AGBL4: variants seen among roughly 807,000 people sequenced by gnomAD.
The protein encoded by AGBL4 is cytosolic carboxypeptidase 6.
In AGBL4, 58 loss-of-function variants were observed where a neutral mutation model predicts 66.4. The observed-to-expected ratio is 0.87, with a 90% CI of 0.71 to 1.09. The LOEUF (loss-of-function observed/expected upper bound fraction) is 1.09. Among genes scored for constraint, AGBL4 ranks in the 50% least tolerant of loss-of-function variants. The pLI is 0.00. For synonymous variants in AGBL4, 234 were observed against 222.9 expected (o/e 1.05, Z -0.44); for missense variants, 579 against 631.0 (o/e 0.92, Z 0.88).
intron 3 of AGBL4, among the ~76,000 whole-genome samples, chr1:49,272,101 C>T (rs1283775357): frequency 6.6e-6 from 1 of 152,134 alleles, no homozygotes; most frequent in Non-Finnish European, 1.5e-5. Flanking sequence ...TTTCTTTGTG[C>T]ACTTAGTTTT....
rs369459291 is a variant in AGBL4, at chr1:49,853,458, A to G, written c.35-1940T>C. On this transcript the variant is annotated intron_variant, in intron 1 of 13. Coordinates refer to ENST00000371839, the MANE Select transcript of AGBL4 (RefSeq NM_032785.4). ...AACATAAATGCAAAGGGAAATAGGA[A>G]AGGCAAAAGGGAAAAAACAGCAGAG... Among the ~76,000 whole-genome samples, 50 of 152,264 alleles carry G rather than the reference A, an allele frequency of 3.3e-4. 1 individual carries two copies. In the South Asian group the frequency reaches 9.5e-3, roughly 29 times the overall value.
At chr1:49,203,088 CAAAA>C (rs139732827) in intron 4 of AGBL4, among the ~76,000 whole-genome samples, 3 of 135,902 alleles carry the variant, frequency 2.2e-5, no homozygotes, top group Non-Finnish European at 3.1e-5. Flanking sequence ...TGGCTACTAT[CAAAA>C]AAAAAAAAAA....
intron 1 of AGBL4, among the ~76,000 whole-genome samples, chr1:49,914,588 G>T (rs1651195931): frequency 6.6e-6 from 1 of 152,084 alleles, no homozygotes; most frequent in Non-Finnish European, 1.5e-5. Context: ...GGCAATACAG[G>T]ATTCTTCTAG....
intron 2 of AGBL4, among the ~76,000 whole-genome samples, chr1:49,831,769 T>C (rs2148015791): frequency 6.6e-6 from 1 of 152,276 alleles, no homozygotes; most frequent in South Asian, 2.1e-4. Context: ...CTCTTACTGT[T>C]TTGAGATATG....
intron 4 of AGBL4, among the ~76,000 whole-genome samples, chr1:49,233,704 C>T (rs1351008535): frequency 6.6e-6 from 1 of 152,116 alleles, no homozygotes; most frequent in Non-Finnish European, 1.5e-5. Flanking sequence ...TTAGGAAATT[C>T]TTTATAGGGA....
chr1:49,656,794 C>T (rs1170837809), intron 3 of AGBL4, among the ~76,000 whole-genome samples: 1 of 152,146 alleles, frequency 6.6e-6, no homozygotes, highest in African/African-American at 2.4e-5. Context: ...AGGCCTTCGA[C>T]AAAATTCAAC....
intron 1 of AGBL4, among the ~76,000 whole-genome samples, chr1:49,935,175 G>C (rs1044395067): frequency 6.6e-6 from 1 of 152,246 alleles, no homozygotes; most frequent in African/African-American, 2.4e-5. Context: ...CGCTCCAGGA[G>C]ATTATATCCC....
chr1:49,088,833 A>G (rs549271840), intron 4 of AGBL4, among the ~76,000 whole-genome samples: 58 of 152,280 alleles, frequency 3.8e-4, no homozygotes, highest in African/African-American at 1.3e-3. Context: ...ATATTCTAAA[A>G]TTGACCTCAC....
chr1:49,500,859 G>A (rs1220558933), intron 3 of AGBL4, among the ~76,000 whole-genome samples: 10 of 79,216 alleles, frequency 1.3e-4, no homozygotes, highest in South Asian at 3.0e-4. Context: ...TTGGAAAAGC[G>A]GGCTGTTTTT....
chr1:49,649,489 C>T (rs1571247267), intron 3 of AGBL4, among the ~76,000 whole-genome samples: 1 of 152,082 alleles, frequency 6.6e-6, no homozygotes, highest in East Asian at 1.9e-4. Context: ...TCTAGAACTG[C>T]AAGTAGAAAC....
intron 3 of AGBL4, among the ~76,000 whole-genome samples, chr1:49,282,798 T>C (rs764879419): frequency 9.2e-5 from 14 of 152,190 alleles, no homozygotes; most frequent in East Asian, 1.9e-4. Flanking sequence ...CACCCGAATA[T>C]TGCGCTTTTC....
intron 2 of AGBL4, chr1:49,842,339 G>C: frequency 1.8e-6 from 1 of 553,432 alleles, no homozygotes; most frequent in South Asian, 1.7e-5. Context: ...GGAGCAAGAG[G>C]CAGAGCCATG....
intron 3 of AGBL4, among the ~76,000 whole-genome samples, chr1:49,464,941 G>T (rs969350190): frequency 6.6e-6 from 1 of 151,508 alleles, no homozygotes; most frequent in Non-Finnish European, 1.5e-5. Flanking sequence ...CCTAGCTCAA[G>T]ACCAGGTACT....
chr1:48,588,782 G>T (rs1000422791), intron 10 of AGBL4, among the ~76,000 whole-genome samples: 1 of 148,098 alleles, frequency 6.8e-6, no homozygotes, highest in South Asian at 2.2e-4. Context: ...CTGTTTTAGA[G>T]TTGGGCATTG....
chr1:49,423,722 G>C (rs1645595312), intron 3 of AGBL4, among the ~76,000 whole-genome samples: 1 of 149,150 alleles, frequency 6.7e-6, no homozygotes, highest in Non-Finnish European at 1.5e-5. Context: ...TGAGGCAGGA[G>C]AATCACCTGC....
chr1:49,228,008 G>T (rs1039094018), intron 4 of AGBL4, among the ~76,000 whole-genome samples: 9 of 152,128 alleles, frequency 5.9e-5, no homozygotes, highest in African/African-American at 2.2e-4. Flanking sequence ...TCTCTATACT[G>T]TGATATCCAT....
intron 5 of AGBL4, among the ~76,000 whole-genome samples, chr1:48,983,034 G>GT (rs1394354420): frequency 1.3e-5 from 2 of 152,052 alleles, no homozygotes; most frequent in African/African-American, 4.8e-5. Context: ...TGTATGTGAG[G>GT]TTTTTTAAAA....
chr1:49,325,972 G>C (rs1407533099), intron 3 of AGBL4, among the ~76,000 whole-genome samples: 1 of 152,184 alleles, frequency 6.6e-6, no homozygotes, highest in Non-Finnish European at 1.5e-5. Context: ...CTGAGAAGCA[G>C]GAGCTGCTAT....
intron 11 of AGBL4, among the ~76,000 whole-genome samples, chr1:48,548,532 C>T (rs1644200978): frequency 6.6e-6 from 1 of 152,208 alleles, no homozygotes; most frequent in Admixed American, 6.5e-5. Context: ...TCCTCTTCAC[C>T]TCCCAGAGCA....
Sources: allele counts gnomAD v4.1 joint callset (sites outside exome capture counted in the v4.1 genomes callset), GRCh38; gene constraint gnomAD v4.1.1; transcripts MANE v1.5; gene names NCBI Gene and HGNC (gene_info 2026-07-23, HGNC 2026-07-21).